DIS3L: variants seen among roughly 807,000 people sequenced by gnomAD.
DIS3L encodes DIS3-like exonuclease 1.
In DIS3L, 100 loss-of-function variants were observed where a neutral mutation model predicts 120.3. The observed-to-expected ratio is 0.83, with a 90% CI of 0.71 to 0.98. The LOEUF (loss-of-function observed/expected upper bound fraction) is 0.98, where lower values mean the gene tolerates loss of function less well. Among genes scored for constraint, DIS3L ranks in the 50% least tolerant of loss-of-function variants. The probability of loss-of-function intolerance (pLI) is 0.00; values close to 1 mark genes in which losing one functional copy is unlikely to be tolerated. For synonymous variants in DIS3L, 426 were observed against 470.6 expected (o/e 0.91, Z 1.23); for missense variants, 1,196 against 1,314.2 (o/e 0.91, Z 1.39).
At chr15:66,326,445 C>T (rs777207239) in intron 12 of DIS3L, 81 bp downstream of exon 12, 2 of 1,433,924 alleles carry the variant, frequency 1.4e-6, no homozygotes, top group South Asian at 2.7e-5. Context: ...TAAAATGTGA[C>T]AGCCAGATCT....
chr15:66,293,526 G>A, upstream of DIS3L: 3 of 1,303,118 alleles, frequency 2.3e-6, no homozygotes, highest in Admixed American at 7.9e-5. Flanking sequence ...TAGGGCCGAG[G>A]GGCGGGTCCG....
intron 2 of DIS3L, among the ~76,000 whole-genome samples, chr15:66,300,691 G>C (rs968078566): frequency 6.6e-6 from 1 of 152,132 alleles, no homozygotes; most frequent in African/African-American, 2.4e-5. Flanking sequence ...GGAAGGTAGG[G>C]TCAAGAGTAT....
intron 3 of DIS3L, among the ~76,000 whole-genome samples, chr15:66,307,925 A>C (rs1294446785): frequency 6.6e-6 from 1 of 152,156 alleles, no homozygotes; most frequent in Admixed American, 6.6e-5. Context: ...GCTCATGCTT[A>C]TAATCCCAAC....
chr15:66,305,242 C>T (rs982076263), intron 2 of DIS3L, among the ~76,000 whole-genome samples: 7 of 152,072 alleles, frequency 4.6e-5, no homozygotes, highest in Non-Finnish European at 7.4e-5. Context: ...CCTCGTGATC[C>T]TCCTGCCTCG....
chr15:66,325,480 TCTAA>T (rs1454514162), intron 11 of DIS3L, among the ~76,000 whole-genome samples: 2 of 152,232 alleles, frequency 1.3e-5, no homozygotes, highest in African/African-American at 2.4e-5. Context: ...CAGTCCCCAG[TCTAA>T]CTTTGTTGTT....
At chr15:66,294,212 C>T (rs1028683915) in intron 1 of DIS3L, 1 of 985,432 alleles carries the variant, frequency 1.0e-6, no homozygotes, top group Non-Finnish European at 1.2e-6. Context: ...CCAGACTTTT[C>T]CCCCAGTGGA....
At position 66,326,303 on chromosome 15, in the gene DIS3L, C is replaced by G; in HGVS notation, c.2140C>G (p.Gln714Glu). Reference sequence around the variant, plus strand: ...GCTGCGCCAGCACCCTCCTCCACACCAGGAGTTCTTTTCAGAACTCCGGGA... The same window carrying G: ...GCTGCGCCAGCACCCTCCTCCACACGAGGAGTTCTTTTCAGAACTCCGGGA... ...ALLRQHPPPH[Q>E]EFFSELRECA... The change falls in exon 12 of 17, where the codon CAG (glutamine) becomes GAG (glutamate). Residue 714 changes from glutamine (Q) to glutamate (E), a missense_variant. Physicochemically the swap from Gln to Glu is conservative, Grantham distance 29 (BLOSUM62 2). Coordinates refer to ENST00000319212, the MANE Select transcript of DIS3L (RefSeq NM_001143688.3). 1.2e-6 allele frequency: 2 copies of G among 1,614,180 alleles called. No individual in the cohort carries two copies. The highest frequency in any genetic ancestry group is 4.5e-5 in the East Asian group (2 of 44,876).
chr15:66,323,683 C>A, intron 11 of DIS3L, 98 bp downstream of exon 11: 1 of 1,267,348 alleles, frequency 7.9e-7, no homozygotes, highest in Non-Finnish European at 1.1e-6. Flanking sequence ...TGCTATGCCC[C>A]ACCCCAGCCC....
intron 10 of DIS3L, 57 bp from the exon 11 acceptor site, chr15:66,323,436 C>T: frequency 6.4e-7 from 1 of 1,567,644 alleles, no homozygotes; most frequent in South Asian, 1.1e-5. Flanking sequence ...CCCACACAGT[C>T]AGCAGTTCTG....
At chr15:66,304,767 G>T (rs1195470485) in intron 2 of DIS3L, among the ~76,000 whole-genome samples, 4 of 151,596 alleles carry the variant, frequency 2.6e-5, no homozygotes, top group Non-Finnish European at 5.9e-5. Context: ...CAGGCATGGT[G>T]GCGGGCTCCT....
In DIS3L at chr15:66,326,265, C is replaced by G; in HGVS notation, c.2102C>G (p.Pro701Arg). 1.9e-6 allele frequency: 3 copies of G among 1,614,188 alleles called. No homozygotes were observed. The highest frequency in any genetic ancestry group is 2.5e-6 in the Non-Finnish European group (3 of 1,180,044). ...GCCAAAAAGATCTGGGAGAGCTTCC[C>G]TCATCAGGCCTTGCTGCGCCAGCAC... Reference protein sequence around the residue: ...WVAKKIWESFPHQALLRQHPP... With the variant: ...WVAKKIWESFRHQALLRQHPP... Residue 701 changes from proline (P) to arginine (R), a missense_variant, in exon 12 of 17, where the codon CCT (proline) becomes CGT (arginine). Coordinates refer to ENST00000319212, the MANE Select transcript of DIS3L (RefSeq NM_001143688.3).
intron 7 of DIS3L, among the ~76,000 whole-genome samples, chr15:66,317,676 T>C (rs370271463): frequency 4.6e-5 from 7 of 152,140 alleles, no homozygotes; most frequent in Admixed American, 2.0e-4. Context: ...ACAATGTTAT[T>C]TTAAAAGTTA....
In DIS3L at chr15:66,309,760, G is replaced by A. The variant is rs1019105948; in HGVS notation, c.558+916G>A. The stretch of plus-strand genomic sequence containing the variant: ...AAGTTATTTTTCTGAAAATGCACAC[G>A]AAACAAACTGTCTTAAAGGCCAGTC... On this transcript the variant is annotated intron_variant, in intron 4 of 16. Coordinates refer to ENST00000319212, the MANE Select transcript of DIS3L (RefSeq NM_001143688.3). 6.6e-5 allele frequency among the ~76,000 whole-genome samples: 10 copies of A among 152,254 alleles called. No homozygotes were observed. In the East Asian group the frequency reaches 1.2e-3, roughly 18 times the overall value.
At chr15:66,329,969 C>G (rs1214830810) in intron 14 of DIS3L, 16 of 984,622 alleles carry the variant, frequency 1.6e-5, no homozygotes, top group Non-Finnish European at 1.9e-5. Flanking sequence ...CCACCCAGAG[C>G]TAACAATTAA....
intron 2 of DIS3L, among the ~76,000 whole-genome samples, chr15:66,298,684 G>A (rs1037054110): frequency 3.3e-5 from 5 of 152,124 alleles, no homozygotes; most frequent in East Asian, 1.9e-4. Context: ...GTCTTAAGTC[G>A]TTCAGGATAA....
intron 2 of DIS3L, among the ~76,000 whole-genome samples, chr15:66,300,229 GA>G: frequency 6.6e-6 from 1 of 152,300 alleles, no homozygotes; most frequent in East Asian, 1.9e-4. Flanking sequence ...ATGACGTACT[GA>G]TAGATGCTAC....
Position 66,300,424 on chromosome 15 carries a change from T to C in DIS3L, c.293+5283T>C, listed in dbSNP as rs537505478. Among the ~76,000 whole-genome samples the C allele has an allele frequency of 8.5e-5, 13 of 152,344 alleles. 1 individual carries two copies. The East Asian group carries it at 1.7e-3, about 20-fold the overall frequency. On this transcript the variant is annotated intron_variant, in intron 2 of 16. Coordinates refer to ENST00000319212, the MANE Select transcript of DIS3L (RefSeq NM_001143688.3). ...GAACAGGCAATGACTGCTTAATGGA[T>C]GGATACAGATTTCTTTTCCGAGTGA...
chr15:66,309,388 TTATAAC>T (rs1207153659), intron 4 of DIS3L, among the ~76,000 whole-genome samples: 1 of 151,956 alleles, frequency 6.6e-6, no homozygotes, highest in Non-Finnish European at 1.5e-5. Context: ...AAACTAACAT[TTATAAC>T]TATAACAGTA....
chr15:66,306,776 G>A, intron 2 of DIS3L, 48 bp from the exon 3 acceptor site: 1 of 1,608,748 alleles, frequency 6.2e-7, no homozygotes, highest in Non-Finnish European at 8.5e-7. Flanking sequence ...AGATAGCAGT[G>A]GATGAGTACC....
Sources: allele counts gnomAD v4.1 joint callset (sites outside exome capture counted in the v4.1 genomes callset), GRCh38; gene constraint gnomAD v4.1.1; transcripts MANE v1.5; gene names NCBI Gene and HGNC (gene_info 2026-07-23, HGNC 2026-07-21).